MAF: variants seen among roughly 807,000 people sequenced by gnomAD.
MAF encodes transcription factor Maf.
Under a neutral mutation model 22.0 loss-of-function variants are expected in MAF, and 10 were observed. That is an observed-to-expected ratio of 0.45 (90% CI 0.28 to 0.77). The LOEUF (loss-of-function observed/expected upper bound fraction) is 0.77. Ranked by LOEUF, MAF falls within the 30% of genes least tolerant of loss-of-function variation. The probability of loss-of-function intolerance (pLI) is 0.12; values close to 1 mark genes in which losing one functional copy is unlikely to be tolerated. For synonymous variants in MAF, 337 were observed against 255.8 expected (o/e 1.32, Z -3.03); for missense variants, 544 against 548.4 (o/e 0.99, Z 0.08).
chr16:79,211,919 A>ATTTT, the MAF span: 4 of 1,543,546 alleles, frequency 2.6e-6, no homozygotes, highest in Admixed American at 2.0e-5. Flanking sequence ...AGGAAATAAG[A>ATTTT]GCAGTCACAA....
At chr16:79,290,156 C>T in the MAF span, among the ~76,000 whole-genome samples, 2 of 152,110 alleles carry the variant, frequency 1.3e-5, no homozygotes, top group African/African-American at 4.8e-5. Context: ...TGTGCTCAGC[C>T]TGTATATCTT....
the MAF span, among the ~76,000 whole-genome samples, chr16:79,505,918 G>C: frequency 2.6e-5 from 4 of 150,992 alleles, no homozygotes; most frequent in African/African-American, 9.8e-5. Flanking sequence ...CCAACGCAAA[G>C]AACAATGGAT....
the MAF span, among the ~76,000 whole-genome samples, chr16:79,323,032 C>G: frequency 5.4e-4 from 81 of 151,370 alleles, no homozygotes; most frequent in Non-Finnish European, 1.1e-3. Flanking sequence ...CGCCTGTAGT[C>G]CCAGTCACTC....
At chr16:79,444,165 T>C in the MAF span, among the ~76,000 whole-genome samples, 1 of 151,832 alleles carries the variant, frequency 6.6e-6, no homozygotes, top group Non-Finnish European at 1.5e-5. Context: ...ATAGTAACAT[T>C]CCTCTATTAT....
the MAF span, among the ~76,000 whole-genome samples, chr16:79,371,411 G>A: frequency 1.3e-5 from 2 of 152,164 alleles, no homozygotes; most frequent in African/African-American, 2.4e-5. Context: ...TCAATGGGAC[G>A]AGTGTCTAGA....
At chr16:79,598,502 T>G (rs1207333863) in intron 1 of MAF, 1 of 1,346,798 alleles carries the variant, frequency 7.4e-7, no homozygotes, top group East Asian at 2.9e-5. Flanking sequence ...AATTTCAGAT[T>G]GGCAATCCAT....
the MAF span, among the ~76,000 whole-genome samples, chr16:79,208,896 C>A: frequency 5.3e-5 from 8 of 152,198 alleles, no homozygotes; most frequent in Non-Finnish European, 1.0e-4. Context: ...GATATTGTTA[C>A]TGCTTAATTG....
At chr16:79,399,509 C>T in the MAF span, among the ~76,000 whole-genome samples, 2 of 152,162 alleles carry the variant, frequency 1.3e-5, no homozygotes, top group Non-Finnish European at 2.9e-5. Flanking sequence ...TGGCTTCAGC[C>T]TAGTCAGAGG....
At chr16:79,489,198 C>T in the MAF span, among the ~76,000 whole-genome samples, 1 of 152,106 alleles carries the variant, frequency 6.6e-6, no homozygotes, top group African/African-American at 2.4e-5. Context: ...TTTATCCATC[C>T]ATCTATTCCT....
intron 1 of MAF, chr16:79,595,055 C>CT (rs148804129): frequency 0.034 from 35,546 of 1,047,332 alleles, 725 homozygotes; most frequent in South Asian, 0.098. Context: ...TCATCAGATG[C>CT]TTTTTTGTTA....
At chr16:79,370,114 A>G in the MAF span, among the ~76,000 whole-genome samples, 1 of 152,146 alleles carries the variant, frequency 6.6e-6, no homozygotes, top group South Asian at 2.1e-4. Flanking sequence ...TCTCCTCTAA[A>G]AGTCTCCTTC....
the MAF span, among the ~76,000 whole-genome samples, chr16:79,377,140 A>G: frequency 6.6e-5 from 10 of 152,202 alleles, no homozygotes; most frequent in African/African-American, 2.4e-4. Context: ...AGTCCCACCA[A>G]CGGTGTAAAA....
chr16:79,364,168 G>A, the MAF span, among the ~76,000 whole-genome samples: 31 of 152,278 alleles, frequency 2.0e-4, no homozygotes, highest in Middle Eastern at 6.8e-3. Context: ...ACATCCTGTA[G>A]GAGGGAGCCC....
At chr16:79,211,718 G>A in the MAF span, 1 of 1,614,228 alleles carries the variant, frequency 6.2e-7, no homozygotes, top group Non-Finnish European at 8.5e-7. Context: ...CAGAAGCTCA[G>A]AGCGAAGAGA....
chr16:79,350,495 G>C, the MAF span, among the ~76,000 whole-genome samples: 1 of 152,178 alleles, frequency 6.6e-6, no homozygotes, highest in African/African-American at 2.4e-5. Flanking sequence ...CACACCGCTG[G>C]ACTACCCTTT....
At chr16:79,579,754 T>C in the MAF span, among the ~76,000 whole-genome samples, 8 of 152,190 alleles carry the variant, frequency 5.3e-5, no homozygotes, top group African/African-American at 9.7e-5. Flanking sequence ...TAGGATCTCA[T>C]CTTTCCTAAA....
At chr16:79,549,198 G>A in the MAF span, among the ~76,000 whole-genome samples, 2 of 152,100 alleles carry the variant, frequency 1.3e-5, no homozygotes, top group South Asian at 2.1e-4. Flanking sequence ...CTGCAAGAGT[G>A]TCCAGTGGCA....
chr16:79,466,189 G>C, the MAF span, among the ~76,000 whole-genome samples: 1 of 152,134 alleles, frequency 6.6e-6, no homozygotes, highest in Non-Finnish European at 1.5e-5. Context: ...GAATCAATGA[G>C]GCTCGGAATT....
chr16:79,276,053 A>G, the MAF span, among the ~76,000 whole-genome samples: 1 of 152,082 alleles, frequency 6.6e-6, no homozygotes, highest in Middle Eastern at 3.2e-3. Context: ...AGGTAGGAGA[A>G]TCTCTTGAAC....
Sources: allele counts gnomAD v4.1 joint callset (sites outside exome capture counted in the v4.1 genomes callset), GRCh38; gene constraint gnomAD v4.1.1; transcripts MANE v1.5; gene names NCBI Gene and HGNC (gene_info 2026-07-23, HGNC 2026-07-21).